The following MTCL2 variants were observed in gnomAD, a reference collection of about 807,000 sequenced individuals.
MTCL2 encodes the protein microtubule crosslinking factor 2.
the MTCL2 span, chr20:36,785,464 A>G: frequency 1.0e-6 from 1 of 985,408 alleles, no homozygotes; most frequent in Non-Finnish European, 1.2e-6. Flanking sequence ...GCCCCAGTCT[A>G]CTGCTGTGTC....
chr20:36,804,586 G>T, the MTCL2 span: 1 of 1,007,538 alleles, frequency 9.9e-7, no homozygotes, highest in Non-Finnish European at 1.4e-6. Context: ...GTGACTTTAG[G>T]CAAGTCTCTT....
the MTCL2 span, among the ~76,000 whole-genome samples, chr20:36,853,455 A>G: frequency 6.6e-6 from 1 of 152,214 alleles, no homozygotes; most frequent in Non-Finnish European, 1.5e-5. Flanking sequence ...AATGGTGACG[A>G]TAACAATAGC....
the MTCL2 span, chr20:36,779,961 T>C: frequency 6.6e-6 from 1 of 151,738 alleles, no homozygotes; most frequent in Non-Finnish European, 1.5e-5. Flanking sequence ...AGGGAGATGA[T>C]AAAGAAAGAA....
chr20:36,822,477 T>A, the MTCL2 span, among the ~76,000 whole-genome samples: 1 of 152,196 alleles, frequency 6.6e-6, no homozygotes, highest in African/African-American at 2.4e-5. Context: ...CCTCTAAGCA[T>A]CTCCCTGTCT....
the MTCL2 span, among the ~76,000 whole-genome samples, chr20:36,810,777 G>C: frequency 7.3e-6 from 1 of 136,068 alleles, no homozygotes; most frequent in Non-Finnish European, 1.5e-5. Flanking sequence ...CGCCAGCTTT[G>C]AGCGTGATCT....
the MTCL2 span, among the ~76,000 whole-genome samples, chr20:36,786,851 CAG>C: frequency 3.5e-3 from 534 of 152,268 alleles, 3 homozygotes; most frequent in Non-Finnish European, 5.2e-3. Flanking sequence ...CTAGGCTATA[CAG>C]AGAGGACAGT....
the MTCL2 span, chr20:36,778,104 G>A: frequency 2.7e-6 from 1 of 376,118 alleles, no homozygotes; most frequent in Non-Finnish European, 4.7e-6. Flanking sequence ...AAGTGAGAGA[G>A]GTGAGCAGGA....
At chr20:36,841,623 T>C in the MTCL2 span, among the ~76,000 whole-genome samples, 22 of 152,106 alleles carry the variant, frequency 1.4e-4, no homozygotes, top group Non-Finnish European at 3.1e-4. Context: ...CTGGGTTAAT[T>C]TGAGGCTGAG....
chr20:36,810,031 C>T, the MTCL2 span: 37 of 1,600,634 alleles, frequency 2.3e-5, no homozygotes, highest in South Asian at 5.7e-5. Context: ...TCGTAGCTGC[C>T]GCTCCTGGGA....
chr20:36,789,988 ATT>A, the MTCL2 span, among the ~76,000 whole-genome samples: 77 of 110,682 alleles, frequency 7.0e-4, no homozygotes, highest in African/African-American at 2.0e-3. Flanking sequence ...TAATTTTTGT[ATT>A]TTTTTTTTTT....
the MTCL2 span, among the ~76,000 whole-genome samples, chr20:36,834,552 C>G: frequency 1.3e-5 from 2 of 151,988 alleles, no homozygotes; most frequent in East Asian, 3.9e-4. Context: ...TTTTATCCAC[C>G]CTGGGAGGCT....
the MTCL2 span, chr20:36,839,143 T>G: frequency 6.9e-7 from 1 of 1,447,562 alleles, no homozygotes; most frequent in African/African-American, 1.4e-5. This position sits in a 1 kb window ranked among gnomAD's most constrained non-coding sequence, Gnocchi z 5.1. Flanking sequence ...GGAAATGAGA[T>G]GCAAGGCCAA....
At chr20:36,819,904 G>A in the MTCL2 span, among the ~76,000 whole-genome samples, 1 of 152,176 alleles carries the variant, frequency 6.6e-6, no homozygotes, top group Non-Finnish European at 1.5e-5. Context: ...TCAAAAGCTG[G>A]AAGGGAAGAG....
At chr20:36,852,813 T>C in the MTCL2 span, among the ~76,000 whole-genome samples, 4 of 152,002 alleles carry the variant, frequency 2.6e-5, no homozygotes, top group Non-Finnish European at 4.4e-5. Flanking sequence ...TCCCAGCACT[T>C]TGGGAGGCTG....
At chr20:36,808,813 G>C in the MTCL2 span, 1 of 1,390,504 alleles carries the variant, frequency 7.2e-7, no homozygotes, top group Non-Finnish European at 9.7e-7. Context: ...TGGGCCCCTG[G>C]ACAGGGGCAG....
the MTCL2 span, chr20:36,794,805 G>A: frequency 3.1e-6 from 2 of 639,040 alleles, no homozygotes; most frequent in South Asian, 1.9e-5. This position sits in a 1 kb window ranked among gnomAD's most constrained non-coding sequence, Gnocchi z 5.4. Context: ...GTCTTGATAT[G>A]TCACCCAGGC....
chr20:36,838,054 T>G, the MTCL2 span, among the ~76,000 whole-genome samples: 2 of 148,628 alleles, frequency 1.3e-5, no homozygotes, highest in Admixed American at 6.7e-5. Flanking sequence ...TTCTCTTTGT[T>G]TTTTTTTTTT....
At chr20:36,816,960 G>C in the MTCL2 span, among the ~76,000 whole-genome samples, 1 of 152,138 alleles carries the variant, frequency 6.6e-6, no homozygotes, top group Admixed American at 6.6e-5. Context: ...AAAGTGGGCA[G>C]TGAAACTAAG....
the MTCL2 span, chr20:36,796,972 G>T: frequency 1.2e-6 from 2 of 1,612,872 alleles, no homozygotes; most frequent in Middle Eastern, 1.7e-4. Context: ...AAGAGAGACA[G>T]GAAGGGTCAG....
Sources: gnomAD v4.1 joint callset for allele counts (sites outside exome capture counted in the v4.1 genomes callset) on GRCh38, gnomAD v4.1.1 for gene constraint, Gnocchi (gnomAD v3.1) non-coding constraint, MANE v1.5 for transcripts, NCBI Gene and HGNC (gene_info 2026-07-23, HGNC 2026-07-21) for gene names.